The following TAFA2 variants were observed in gnomAD, a reference collection of about 807,000 sequenced individuals.
The protein encoded by TAFA2 is chemokine-like protein TAFA-2.
In TAFA2, 7 loss-of-function variants were observed where a neutral mutation model predicts 18.8. That is an observed-to-expected ratio of 0.37 (90% CI 0.21 to 0.70). TAFA2 has a LOEUF of 0.70. Among genes scored for constraint, TAFA2 ranks in the 30% least tolerant of loss-of-function variants. The pLI is 0.53. For missense variants in TAFA2, 122 were observed against 158.1 expected, an observed-to-expected ratio of 0.77 and a Z score of 1.23; for synonymous variants, 60 against 54.2, an observed-to-expected ratio of 1.11 and a Z score of -0.47.
chr12:61,929,591 A>G (rs142560744), intron 1 of TAFA2, among the ~76,000 whole-genome samples: 14,120 of 149,698 alleles, frequency 0.094, 739 homozygotes, highest in East Asian at 0.22. Context: ...GTGGAAGTCG[A>G]TGTGGCGATT....
Position 62,075,650 on chromosome 12 carries a change from G to A in TAFA2, c.-2+115609C>T, listed in dbSNP as rs557194368. 1.3e-4 allele frequency among the ~76,000 whole-genome samples: 20 copies of A among 152,278 alleles called. No individual in the cohort carries two copies. The East Asian group carries it at 3.7e-3, about 28-fold the overall frequency. ...ATTTCAGCAGCTTAGCCTACCCAAA[G>A]TAATAGATCACACAGGCACACATAC... On this transcript the variant is annotated intron_variant, in intron 1 of 4. Transcript: ENST00000416284.
At chr12:61,947,963 T>C (rs759775032) in intron 1 of TAFA2, among the ~76,000 whole-genome samples, 6 of 152,102 alleles carry the variant, frequency 3.9e-5, no homozygotes, top group African/African-American at 7.2e-5. Context: ...TTTATCAAGC[T>C]ATCAGACTTA....
intron 1 of TAFA2, among the ~76,000 whole-genome samples, chr12:61,897,429 T>TA (rs576031787): frequency 0.017 from 2,512 of 151,184 alleles, 71 homozygotes; most frequent in African/African-American, 0.055. Context: ...GAGTAATTTA[T>TA]AAAAAAAAAG....
At chr12:62,218,007 TA>T (rs1305209313) in intron 1 of TAFA2, among the ~76,000 whole-genome samples, 9 of 150,586 alleles carry the variant, frequency 6.0e-5, no homozygotes, top group African/African-American at 2.0e-4. Flanking sequence ...TTTATTTATT[TA>T]TTTTTGAGAC....
At chr12:61,867,603 G>T (rs1433473218) in intron 1 of TAFA2, among the ~76,000 whole-genome samples, 177 bp from the exon 2 acceptor site, 3 of 151,940 alleles carry the variant, frequency 2.0e-5, no homozygotes, top group African/African-American at 7.3e-5. Context: ...GAAAATAAAG[G>T]TTTTCCAAAG....
intron 1 of TAFA2, among the ~76,000 whole-genome samples, chr12:61,941,356 C>T (rs1487400626): frequency 6.6e-6 from 1 of 152,150 alleles, no homozygotes; most frequent in Non-Finnish European, 1.5e-5. Flanking sequence ...TACACATTAG[C>T]TCACATAACT....
chr12:62,050,571 C>CAA (rs879420254), intron 1 of TAFA2, among the ~76,000 whole-genome samples: 3 of 114,198 alleles, frequency 2.6e-5, no homozygotes, highest in Non-Finnish European at 3.8e-5. Flanking sequence ...GACTCTGTCT[C>CAA]AAAAAAAAAA....
chr12:62,070,211 T>C (rs1475044851), intron 1 of TAFA2, among the ~76,000 whole-genome samples: 1 of 152,174 alleles, frequency 6.6e-6, no homozygotes, highest in Non-Finnish European at 1.5e-5. Flanking sequence ...AGAGATATCT[T>C]AATCTCTTTC....
At chr12:62,001,160 T>G (rs1043852045) in intron 1 of TAFA2, among the ~76,000 whole-genome samples, 1 of 152,174 alleles carries the variant, frequency 6.6e-6, no homozygotes, top group Non-Finnish European at 1.5e-5. Flanking sequence ...GTTGCTAAAA[T>G]TTTTTGTTCC....
chr12:62,032,194 T>A (rs1024200173), intron 1 of TAFA2, among the ~76,000 whole-genome samples: 5 of 152,120 alleles, frequency 3.3e-5, no homozygotes, highest in Non-Finnish European at 7.4e-5. Flanking sequence ...ATTTTAACAA[T>A]AACATAATGT....
intron 1 of TAFA2, among the ~76,000 whole-genome samples, chr12:62,052,012 T>G (rs754700669): frequency 6.6e-6 from 1 of 152,126 alleles, no homozygotes; most frequent in Non-Finnish European, 1.5e-5. Flanking sequence ...CCATAAAACT[T>G]TAATTGCAAA....
At position 61,959,420 on chromosome 12, in the gene TAFA2, TC is replaced by T. The variant is rs1419514514; in HGVS notation, c.-1-91995del. On this transcript the variant is annotated intron_variant, in intron 1 of 4. Coordinates refer to ENST00000416284, the MANE Select transcript of TAFA2 (RefSeq NM_178539.5). ...TTTAGTTCTAAGAATTTTAGTTTTG[TC>T]AATATTTTAAAGGTAGTGTTTGTAG... Among the ~76,000 whole-genome samples the T allele has an allele frequency of 2.6e-5, 4 of 152,184 alleles. No homozygotes were observed. In the South Asian group the frequency reaches 8.3e-4, roughly 32 times the overall value.
rs117734064 is a variant in TAFA2 at position 61,935,625 on chromosome 12, G to C, written c.-1-68199C>G. The stretch of plus-strand genomic sequence containing the variant: ...AATTCTTCAGTATGTTTATCACATA[G>C]AATAGAAAAATAGTGAATATTTCTC... On this transcript the variant is annotated intron_variant, in intron 1 of 4. Transcript: ENST00000416284. 8.3e-3 allele frequency among the ~76,000 whole-genome samples: 1,257 copies of C among 152,080 alleles called. 10 individuals are homozygous for C. The highest frequency in any genetic ancestry group is 0.014 in the Non-Finnish European group (942 of 67,952).
chr12:62,114,487 T>C (rs1400160053), intron 1 of TAFA2, among the ~76,000 whole-genome samples: 1 of 152,234 alleles, frequency 6.6e-6, no homozygotes, highest in African/African-American at 2.4e-5. Flanking sequence ...ATCAATGATT[T>C]ATAATGTGTA....
intron 2 of TAFA2, among the ~76,000 whole-genome samples, chr12:61,853,659 A>C (rs1873769604): frequency 6.6e-6 from 1 of 152,110 alleles, no homozygotes; most frequent in East Asian, 1.9e-4. Context: ...AGGCAATTAC[A>C]TCTCTAGTTA....
At chr12:62,232,625 T>C (rs1312694192) in intron 1 of TAFA2, among the ~76,000 whole-genome samples, 1 of 152,032 alleles carries the variant, frequency 6.6e-6, no homozygotes, top group East Asian at 1.9e-4. Context: ...AATTTTCCCA[T>C]CTCAGCCCCC....
At chr12:62,083,322 T>C (rs1015786120) in intron 1 of TAFA2, among the ~76,000 whole-genome samples, 10 of 152,030 alleles carry the variant, frequency 6.6e-5, no homozygotes, top group Non-Finnish European at 1.5e-4. Context: ...GACAACTTCT[T>C]CCTTCTATAC....
intron 2 of TAFA2, among the ~76,000 whole-genome samples, chr12:61,764,970 G>A (rs1869723564): frequency 6.6e-6 from 1 of 152,050 alleles, no homozygotes; most frequent in South Asian, 2.1e-4. Context: ...AGTAATATAG[G>A]ACAGTGGATT....
chr12:61,929,990 C>T lies in TAFA2; in HGVS notation c.-1-62564G>A, dbSNP rs930937476. Reference sequence around the variant, plus strand: ...TGGACACAGGAAGGGGAACATCACACTCTGGGGACTGTTGTGGGGTGGGGG... The same window carrying T: ...TGGACACAGGAAGGGGAACATCACATTCTGGGGACTGTTGTGGGGTGGGGG... On this transcript the variant is annotated intron_variant, in intron 1 of 4. Transcript: ENST00000416284. Among the ~76,000 whole-genome samples, 14 of 146,334 alleles carry T rather than the reference C, an allele frequency of 9.6e-5. No individual in the cohort carries two copies. The East Asian group carries it at 2.2e-3, about 23-fold the overall frequency.
Sources: gnomAD v4.1 joint callset for allele counts (sites outside exome capture counted in the v4.1 genomes callset) on GRCh38, gnomAD v4.1.1 for gene constraint, MANE v1.5 for transcripts, NCBI Gene and HGNC (gene_info 2026-07-23, HGNC 2026-07-21) for gene names.